The following CD44 variants were observed in gnomAD, a reference collection of about 807,000 sequenced individuals.
CD44 encodes the protein CD44 molecule (IN blood group).
In CD44, 49 loss-of-function variants were observed where a neutral mutation model predicts 88.8. That is an observed-to-expected ratio of 0.55 (90% CI 0.44 to 0.70). The LOEUF is 0.70. Ranked by LOEUF, CD44 falls within the 30% of genes least tolerant of loss-of-function variation. The probability of loss-of-function intolerance (pLI) is 0.00; values close to 1 mark genes in which losing one functional copy is unlikely to be tolerated. For missense variants in CD44, 883 were observed against 913.8 expected (o/e 0.97, Z 0.43); for synonymous variants, 325 against 312.3 (o/e 1.04, Z -0.43).
intron 1 of CD44, among the ~76,000 whole-genome samples, chr11:35,159,413 G>C (rs758140871): frequency 4.1e-4 from 62 of 152,068 alleles, no homozygotes; most frequent in Admixed American, 2.2e-3. Context: ...GTGTGATTTT[G>C]GACTGTTGTT....
Position 35,139,350 on chromosome 11 carries a change from C to G in CD44, c.47C>G (p.Pro16Arg). ...WHAAWGLCLVPLSLAQIDLNI... is the reference protein window; with the variant it reads ...WHAAWGLCLVRLSLAQIDLNI... ...GCAGCCTGGGGACTCTGCCTCGTGCCGCTGAGCCTGGCGCAGATCGGTGAG... is the reference window on the plus strand; with the variant it reads ...GCAGCCTGGGGACTCTGCCTCGTGCGGCTGAGCCTGGCGCAGATCGGTGAG... The change falls in exon 1 of 18, where the codon CCG (proline) becomes CGG (arginine). Residue 16 changes from proline to arginine, a missense_variant. By Grantham distance (103) the Pro-to-Arg change is moderately radical (BLOSUM62 -2). This residue lies in a region of CD44 where 252 missense variants were observed against 322.9 expected (regional missense o/e 0.78). Transcript: ENST00000428726. 6.4e-7 allele frequency: 1 copy of G among 1,561,226 alleles called. No homozygotes were observed.
chr11:35,223,660 A>T (rs1006243443), intron 17 of CD44, among the ~76,000 whole-genome samples: 1 of 152,182 alleles, frequency 6.6e-6, no homozygotes, highest in Admixed American at 6.5e-5. Flanking sequence ...TCACCAGGAA[A>T]GTAGCTGCTT....
intron 11 of CD44, 62 bp downstream of exon 11, chr11:35,206,305 T>C: frequency 1.3e-6 from 2 of 1,499,498 alleles, no homozygotes; most frequent in Non-Finnish European, 1.8e-6. Context: ...GACTGCTGAC[T>C]ATTTTTCTAG....
rs79748703 is a variant in CD44 at position 35,215,231 on chromosome 11, G to T, written c.1873+317G>T. 7.6e-3 allele frequency among the ~76,000 whole-genome samples: 1,162 copies of T among 152,326 alleles called. 11 individuals carry two copies. The highest frequency in any genetic ancestry group is 0.027 in the African/African-American group (1,122 of 41,566). On this transcript the variant is annotated intron_variant, in intron 15 of 17. Coordinates refer to ENST00000428726, the MANE Select transcript of CD44 (RefSeq NM_000610.4). ...GCCTTGCATCTGAAAGCCTCAGGAAGAATTCAAGCAGTGTCCCAATTTAAC... is the reference window on the plus strand; with the variant it reads ...GCCTTGCATCTGAAAGCCTCAGGAATAATTCAAGCAGTGTCCCAATTTAAC...
chr11:35,188,496 G>T (rs1945921929), intron 4 of CD44, among the ~76,000 whole-genome samples: 1 of 152,178 alleles, frequency 6.6e-6, no homozygotes, highest in Non-Finnish European at 1.5e-5. Context: ...TTTAATAAAT[G>T]CCCTGTTTCT....
At chr11:35,223,376 C>A in intron 17 of CD44, 1 of 677,772 alleles carries the variant, frequency 1.5e-6, no homozygotes, top group Non-Finnish European at 1.8e-6. Context: ...CTTTTGCTCA[C>A]ATACACAGTC....
At chr11:35,181,861 TTA>T (rs753285506) in intron 3 of CD44, among the ~76,000 whole-genome samples, 16,615 of 84,096 alleles carry the variant, frequency 0.2, 1,781 homozygotes, top group African/African-American at 0.31. Flanking sequence ...ATATATAAAT[TTA>T]TATATATATA....
intron 1 of CD44, among the ~76,000 whole-genome samples, chr11:35,149,695 C>T (rs931794002): frequency 1.3e-4 from 20 of 152,238 alleles, no homozygotes; most frequent in Middle Eastern, 3.4e-3. Flanking sequence ...ATAAATTCAC[C>T]ACTCTGTGGG....
Position 35,196,756 on chromosome 11 carries a change from C to T in CD44, c.678C>T (p.Ser226=), listed in dbSNP as rs1946796022. ...TCATGATTACAACAGCTTTGATGAGCACTAGTGCTACAGCAACTGAGACAG... is the reference window on the plus strand; with the variant it reads ...TCATGATTACAACAGCTTTGATGAGTACTAGTGCTACAGCAACTGAGACAG... ...TDRIPATTLM[S]TSATATETAT... is the part of the protein sequence containing the mutation. Residue 226 remains serine (S), a synonymous_variant, in exon 6 of 18, where the codon AGC becomes AGT. Coordinates refer to ENST00000428726, the MANE Select transcript of CD44 (RefSeq NM_000610.4). 1 of 1,613,578 alleles carries T rather than the reference C, an allele frequency of 6.2e-7. No homozygotes were observed. The highest frequency in any genetic ancestry group is 1.7e-5 in the Admixed American group (1 of 59,988).
rs574460654 is a variant in CD44, at chr11:35,191,274, G to A, written c.667+1209G>A. Among the ~76,000 whole-genome samples, 11 of 152,294 alleles carry A rather than the reference G, an allele frequency of 7.2e-5. No homozygotes were observed. The South Asian group carries it at 1.7e-3, about 23-fold the overall frequency. On this transcript the variant is annotated intron_variant, in intron 5 of 17. Coordinates refer to ENST00000428726, the MANE Select transcript of CD44 (RefSeq NM_000610.4). The stretch of plus-strand genomic sequence containing the variant: ...TGTGATTTCATTTAAGGTCACTTGC[G>A]CAATAGTGTTTTAAATTTCTGTCAG...
rs1426153805 is a variant in CD44 at position 35,232,326 on chromosome 11, G to A, written c.*2993G>A. On this transcript the variant is annotated 3_prime_UTR_variant, in exon 18 of 18. Transcript: ENST00000428726. The stretch of plus-strand genomic sequence containing the variant: ...GGATCAATAATAATGAGGAAAGCAT[G>A]ATATGTATATTGCTGAGTTGAAAGC... The A allele has an allele frequency of 6.6e-6, 1 of 152,606 alleles. No individual in the cohort carries two copies. Among genetic ancestry groups the A allele is most frequent in the Non-Finnish European group, 1.5e-5 (1 of 68,030 alleles). The allele number at this position is 152,606 out of a possible 1,614,324, so 9.5% of individuals were successfully genotyped here. A position where few individuals can be genotyped will look rare whatever the true frequency, so the allele number is the denominator to read the frequency against.
chr11:35,161,593 G>T (rs1044811555), intron 1 of CD44, among the ~76,000 whole-genome samples: 1 of 152,168 alleles, frequency 6.6e-6, no homozygotes, highest in African/African-American at 2.4e-5. Flanking sequence ...ATTGGATTTT[G>T]CCTTGAATTT....
At chr11:35,146,362 C>G (rs1295704302) in intron 1 of CD44, among the ~76,000 whole-genome samples, 1 of 152,208 alleles carries the variant, frequency 6.6e-6, no homozygotes, top group Non-Finnish European at 1.5e-5. Context: ...TGTGGCATTG[C>G]AAGTCTCCTT....
intron 17 of CD44, among the ~76,000 whole-genome samples, chr11:35,227,024 C>T (rs1949748654): frequency 6.6e-6 from 1 of 150,878 alleles, no homozygotes. Context: ...AGTTGGGATT[C>T]AGCCACGCAC....
At position 35,211,344 on chromosome 11, in the gene CD44, G is replaced by C. The variant is rs1286597676; in HGVS notation, c.1705G>C (p.Glu569Gln). ...GYTSHYPHTK[E>Q]SRTFIPVTSA... ...TACCTCTCATTACCCACACACGAAG[G>C]AAAGCAGGACCTTCATCCCAGTGAC... The change falls in exon 14 of 18, where the codon GAA becomes CAA. Residue 569 changes from glutamate (E) to glutamine (Q), a missense_variant. This residue lies in a region of CD44 where 631 missense variants were observed against 590.9 expected (regional missense o/e 1.07). Coordinates refer to ENST00000428726, the MANE Select transcript of CD44 (RefSeq NM_000610.4). 3 of 1,613,866 alleles carry C rather than the reference G, an allele frequency of 1.9e-6. No individual in the cohort carries two copies. Among genetic ancestry groups the C allele is most frequent in the African/African-American group, 2.7e-5 (2 of 74,888 alleles).
chr11:35,141,488 T>C (rs1204746833), intron 1 of CD44, among the ~76,000 whole-genome samples: 2 of 152,156 alleles, frequency 1.3e-5, no homozygotes, highest in African/African-American at 4.8e-5. Flanking sequence ...CCCTGGTGGT[T>C]TCCCTATAGT....
At chr11:35,212,279 T>G (rs919488853) in intron 14 of CD44, among the ~76,000 whole-genome samples, 1 of 152,196 alleles carries the variant, frequency 6.6e-6, no homozygotes, top group African/African-American at 2.4e-5. Flanking sequence ...TCAATTGCTT[T>G]GTAACACAAT....
intron 1 of CD44, among the ~76,000 whole-genome samples, chr11:35,174,123 G>A (rs956147294): frequency 3.3e-5 from 5 of 152,196 alleles, no homozygotes; most frequent in African/African-American, 1.2e-4. Context: ...TCCTATTGCT[G>A]TCAGCTCAGA....
At chr11:35,140,462 C>T (rs1051550452) in intron 1 of CD44, among the ~76,000 whole-genome samples, 11 of 152,176 alleles carry the variant, frequency 7.2e-5, no homozygotes, top group Admixed American at 5.2e-4. Context: ...CCCAGTTCCA[C>T]GGGAGTACTG....
Sources: allele counts gnomAD v4.1 joint callset (sites outside exome capture counted in the v4.1 genomes callset), GRCh38; gene constraint gnomAD v4.1.1; regional missense constraint gnomAD v4.1.1; transcripts MANE v1.5; gene names NCBI Gene and HGNC (gene_info 2026-07-23, HGNC 2026-07-21).